TXNRD1: variants seen among roughly 807,000 people sequenced by gnomAD.
The protein encoded by TXNRD1 is thioredoxin reductase 1.
TXNRD1 carries 57 observed loss-of-function variants against 80.3 expected under a neutral mutation model. The observed-to-expected ratio is 0.71, with a 90% CI of 0.57 to 0.89. The LOEUF (loss-of-function observed/expected upper bound fraction) is 0.89, where lower values mean the gene tolerates loss of function less well. Among genes scored for constraint, TXNRD1 ranks in the 40% least tolerant of loss-of-function variants. TXNRD1 has a pLI of 0.00. For synonymous variants in TXNRD1, 291 were observed against 285.2 expected (o/e 1.02, Z -0.20); for missense variants, 730 against 803.0 (o/e 0.91, Z 1.10).
At chr12:104,230,208 A>G (rs887865338) in intron 1 of TXNRD1, among the ~76,000 whole-genome samples, 2 of 151,678 alleles carry the variant, frequency 1.3e-5, no homozygotes, top group Non-Finnish European at 2.9e-5. Context: ...AGCTGGGACT[A>G]CAGGTGCATG....
chr12:104,311,737 T>G (rs1021896076), intron 5 of TXNRD1, among the ~76,000 whole-genome samples: 4 of 152,168 alleles, frequency 2.6e-5, no homozygotes, highest in African/African-American at 4.8e-5. Context: ...TCCCAGCACT[T>G]TGGGAGTCCG....
chr12:104,303,836 G>A (rs946101188), intron 4 of TXNRD1: 5 of 1,434,310 alleles, frequency 3.5e-6, no homozygotes, highest in Non-Finnish European at 4.6e-6. Context: ...GGTTGAAAAA[G>A]CTTCCCGGAA....
At chr12:104,292,081 C>G (rs1239904102) in intron 4 of TXNRD1, among the ~76,000 whole-genome samples, 6 of 151,984 alleles carry the variant, frequency 3.9e-5, no homozygotes, top group African/African-American at 1.5e-4. Context: ...TTTCCTTTCT[C>G]CTTTTAATAT....
intron 13 of TXNRD1, among the ~76,000 whole-genome samples, chr12:104,331,269 C>T (rs1257473947): frequency 1.3e-5 from 2 of 152,092 alleles, no homozygotes; most frequent in Admixed American, 6.5e-5. Context: ...TTGATAACAT[C>T]AGTTGGTTGA....
chr12:104,290,214 CCTTTT>C (rs1000969002), intron 4 of TXNRD1, among the ~76,000 whole-genome samples: 7 of 151,990 alleles, frequency 4.6e-5, no homozygotes, highest in African/African-American at 1.2e-4. Flanking sequence ...TTATTTATTA[CCTTTT>C]CTTTTAAAAG....
chr12:104,313,771 A>C (rs2035222157), intron 6 of TXNRD1, among the ~76,000 whole-genome samples: 2 of 152,238 alleles, frequency 1.3e-5, no homozygotes, highest in Non-Finnish European at 2.9e-5. Flanking sequence ...CAATGACGAT[A>C]TAGCAGTGAA....
chr12:104,304,666 G>A (rs766607882), intron 4 of TXNRD1: 24 of 1,613,800 alleles, frequency 1.5e-5, no homozygotes, highest in Non-Finnish European at 1.9e-5. Context: ...CCTATTTTGA[G>A]TTTGTGATTG....
At chr12:104,231,588 A>G (rs182869523) in intron 1 of TXNRD1, among the ~76,000 whole-genome samples, 1 of 152,320 alleles carries the variant, frequency 6.6e-6, no homozygotes, top group Admixed American at 6.5e-5. Context: ...GCCTGTCAAT[A>G]GTTTTGATTT....
intron 3 of TXNRD1, chr12:104,280,299 G>A (rs2033850028): frequency 6.6e-6 from 1 of 152,038 alleles, no homozygotes; most frequent in African/African-American, 2.4e-5. Flanking sequence ...AGGATTTCTT[G>A]GCAGTGCTTG....
chr12:104,257,013 A>G (rs1352480571), intron 2 of TXNRD1, among the ~76,000 whole-genome samples: 1 of 133,192 alleles, frequency 7.5e-6, no homozygotes, highest in Non-Finnish European at 1.6e-5. Context: ...TTCCTCATTG[A>G]TCATCTCTGT....
At chr12:104,332,282 A>G (rs1170968097) in intron 14 of TXNRD1, among the ~76,000 whole-genome samples, 2 of 152,212 alleles carry the variant, frequency 1.3e-5, no homozygotes, top group Non-Finnish European at 2.9e-5. Context: ...ATTTTAGGGA[A>G]AATTTCCAAT....
At chr12:104,244,867 C>T (rs570404036) in intron 1 of TXNRD1, among the ~76,000 whole-genome samples, 5 of 152,324 alleles carry the variant, frequency 3.3e-5, no homozygotes, top group African/African-American at 1.2e-4. Context: ...GGGAGAGAAC[C>T]TCTTTGCAGC....
intron 4 of TXNRD1, chr12:104,304,457 T>G: frequency 6.2e-7 from 1 of 1,614,020 alleles, no homozygotes; most frequent in Non-Finnish European, 8.5e-7. Context: ...TTTTGGTTCA[T>G]TCAAGCTAGA....
At chr12:104,265,370 A>G (rs2033457103) in intron 3 of TXNRD1, 13 of 1,608,714 alleles carry the variant, frequency 8.1e-6, no homozygotes, top group Non-Finnish European at 1.0e-5. Flanking sequence ...CCCACCCCCA[A>G]ATGCCACACG....
intron 5 of TXNRD1, among the ~76,000 whole-genome samples, chr12:104,312,761 A>G (rs1475664722): frequency 6.6e-6 from 1 of 152,244 alleles, no homozygotes; most frequent in East Asian, 1.9e-4. Context: ...CTTGTAATAC[A>G]GAAGAAAAAC....
intron 3 of TXNRD1, among the ~76,000 whole-genome samples, chr12:104,266,618 G>A (rs1486751408): frequency 1.3e-5 from 2 of 151,794 alleles, no homozygotes; most frequent in African/African-American, 2.4e-5. Context: ...GGATCACAAG[G>A]TCAGGAGATC....
chr12:104,290,714 A>AAAATATATAT (rs2034154533), intron 4 of TXNRD1, among the ~76,000 whole-genome samples: 1 of 49,154 alleles, frequency 2.0e-5, no homozygotes, highest in African/African-American at 6.3e-5. Flanking sequence ...AAAAAAAAGA[A>AAAATATATAT]ATATACATAT....
chr12:104,334,259 C>T lies in TXNRD1; in HGVS notation c.1673C>T (p.Pro558Leu). The T allele has an allele frequency of 6.5e-7, 1 of 1,526,754 alleles. No homozygotes were observed. The highest frequency in any genetic ancestry group is 2.4e-5 in the East Asian group (1 of 41,070). 94.6% of individuals were successfully genotyped at this position (1,526,754 alleles called of 1,614,324 possible). The change falls in exon 15 of 17, where the codon CCA (proline) becomes CTA (leucine). Residue 558 changes from proline to leucine, a missense_variant. Transcript: ENST00000525566. ...TAGGTTTACCATAGTTACTTTTGGC[C>T]ATTGGAATGGACGATTCCGTCAAGA... Reference protein sequence around the residue: ...NIEVYHSYFWPLEWTIPSRDN... With the variant: ...NIEVYHSYFWLLEWTIPSRDN...
intron 4 of TXNRD1, 98 bp downstream of exon 4, chr12:104,289,138 C>T: frequency 7.1e-7 from 1 of 1,401,410 alleles, no homozygotes; most frequent in Non-Finnish European, 9.7e-7. Flanking sequence ...ATGTGACCCT[C>T]CAAACGGGAC....
Sources: gnomAD v4.1 joint callset for allele counts (sites outside exome capture counted in the v4.1 genomes callset) on GRCh38, gnomAD v4.1.1 for gene constraint, MANE v1.5 for transcripts, NCBI Gene and HGNC (gene_info 2026-07-23, HGNC 2026-07-21) for gene names.